ACSL5: variants seen among roughly 807,000 people sequenced by gnomAD.
ACSL5 encodes the protein acyl-CoA synthetase long chain family member 5.
ACSL5 carries 50 observed loss-of-function variants against 84.9 expected under a neutral mutation model. The ratio of observed to expected loss-of-function variants is 0.59; its 90% confidence interval spans 0.47 to 0.75. The LOEUF (loss-of-function observed/expected upper bound fraction) is 0.75. ACSL5 is among the 30% of genes least tolerant of loss of function. The pLI, the probability that ACSL5 is intolerant of heterozygous loss-of-function variation, is 0.00. For synonymous variants in ACSL5, 280 were observed against 300.7 expected (o/e 0.93, Z 0.71); for missense variants, 775 against 830.4 (o/e 0.93, Z 0.82).
chr10:112,417,843 C>T lies in ACSL5; in HGVS notation c.1219-3C>T. 6 of 1,613,812 alleles carry T rather than the reference C, an allele frequency of 3.7e-6. No individual in the cohort carries two copies. Among genetic ancestry groups the T allele is most frequent in the Non-Finnish European group, 5.1e-6 (6 of 1,179,758 alleles). On this transcript the variant is annotated splice_polypyrimidine_tract_variant and splice_region_variant and intron_variant, in intron 13 of 20. Transcript: ENST00000354655. ...TAGTATGTCTTTTGTTTCCACTGAA[C>T]AGGACAGCCTGGGCGGAAGGGTTCG...
chr10:112,404,498 A>G lies in ACSL5; in HGVS notation c.266-13A>G, dbSNP rs368774794. 28 of 1,607,940 alleles carry G rather than the reference A, an allele frequency of 1.7e-5. No individual in the cohort carries two copies. Among genetic ancestry groups the G allele is most frequent in the Non-Finnish European group, 4.3e-6 (5 of 1,175,164 alleles). Reference sequence around the variant, plus strand: ...CAACTGGAGTTGATTTTCTTTTAATATTATGTTTTTAGACAATGGGCCCTG... The same window carrying G: ...CAACTGGAGTTGATTTTCTTTTAATGTTATGTTTTTAGACAATGGGCCCTG... On this transcript the variant is annotated splice_polypyrimidine_tract_variant and intron_variant, in intron 3 of 20. Transcript: ENST00000354655.
At chr10:112,415,164 T>C (rs1227250731) in intron 12 of ACSL5, among the ~76,000 whole-genome samples, 9 of 152,232 alleles carry the variant, frequency 5.9e-5, no homozygotes, top group African/African-American at 2.2e-4. Flanking sequence ...ATATAATACC[T>C]AATACACAGT....
intron 17 of ACSL5, 77 bp from the exon 18 acceptor site, chr10:112,425,261 C>A: frequency 7.6e-7 from 1 of 1,308,978 alleles, no homozygotes; most frequent in Non-Finnish European, 1.0e-6. Flanking sequence ...AGAAAGATGA[C>A]TGTGACTTCA....
intron 17 of ACSL5, among the ~76,000 whole-genome samples, chr10:112,424,147 C>T (rs919597104): frequency 6.6e-6 from 1 of 152,192 alleles, no homozygotes; most frequent in African/African-American, 2.4e-5. Context: ...TCTCATTGAC[C>T]TTCACAGCCC....
intron 7 of ACSL5, 47 bp from the exon 8 acceptor site, chr10:112,410,416 G>C (rs779848899): frequency 1.9e-5 from 30 of 1,612,736 alleles, no homozygotes; most frequent in Non-Finnish European, 2.5e-5. Flanking sequence ...ATCACAGTCT[G>C]TCCATCTCAA....
intron 1 of ACSL5, among the ~76,000 whole-genome samples, chr10:112,393,111 G>T (rs201511725): frequency 2.7e-4 from 41 of 152,068 alleles, no homozygotes; most frequent in African/African-American, 8.9e-4. Flanking sequence ...GCTAGTTTTT[G>T]AATGCTTTTG....
chr10:112,422,241 A>G lies in ACSL5; in HGVS notation c.1477-84A>G, dbSNP rs146490789. 5.9e-4 allele frequency: 711 copies of G among 1,212,702 alleles called. 2 individuals carry two copies. In the African/African-American group the frequency reaches 9.5e-3, roughly 16 times the overall value. The allele number at this position is 1,212,702 out of a possible 1,614,324, so 75.1% of individuals were successfully genotyped here. A position where few individuals can be genotyped will look rare whatever the true frequency, so the allele number is the denominator to read the frequency against. On this transcript the variant is annotated intron_variant, in intron 16 of 20. Transcript: ENST00000354655. ...TGTAGTGGAAGCCATCAAATGATTT[A>G]AGGGGAGCAGGTGTTTCATAAACTG...
chr10:112,394,849 C>T (rs949049176), intron 1 of ACSL5, 69 bp from the exon 2 acceptor site: 8 of 1,573,338 alleles, frequency 5.1e-6, no homozygotes, highest in Non-Finnish European at 6.9e-6. Flanking sequence ...CTTCTGAAAA[C>T]ATAGAGCTAT....
chr10:112,378,400 C>T (rs1849284575), intron 1 of ACSL5, among the ~76,000 whole-genome samples: 1 of 151,852 alleles, frequency 6.6e-6, no homozygotes, highest in East Asian at 1.9e-4. Context: ...GCATGCACCA[C>T]CATGCCCAAA....
At chr10:112,376,101 G>A in intron 1 of ACSL5, 1 of 611,950 alleles carries the variant, frequency 1.6e-6, no homozygotes. Context: ...GCCCTTAGGG[G>A]CTGAGGTGAA....
intron 12 of ACSL5, 93 bp downstream of exon 12, chr10:112,413,400 C>T: frequency 6.9e-7 from 1 of 1,438,874 alleles, no homozygotes; most frequent in Non-Finnish European, 9.6e-7. Flanking sequence ...TCTACCTCCA[C>T]CCTCTACAAG....
At chr10:112,376,228 T>A in intron 1 of ACSL5, 1 of 1,554,684 alleles carries the variant, frequency 6.4e-7, no homozygotes, top group Non-Finnish European at 8.7e-7. Flanking sequence ...CCCGAGCACG[T>A]TAGAAAGCCT....
rs557750294 is a variant in ACSL5, at chr10:112,381,008, G to A, written c.-30+6739G>A. Among the ~76,000 whole-genome samples, 7 of 152,202 alleles carry A rather than the reference G, an allele frequency of 4.6e-5. 1 individual carries two copies. In the South Asian group the frequency reaches 1.0e-3, roughly 23 times the overall value. On this transcript the variant is annotated intron_variant, in intron 1 of 20. Coordinates refer to ENST00000354655, the MANE Select transcript of ACSL5 (RefSeq NM_203379.2). ...TGGTCTCAAACTCCTGGCCTCAAAC[G>A]ATCCTCCAGCCTCAGCCTCCCAAAG...
intron 12 of ACSL5, 114 bp from the exon 13 acceptor site, chr10:112,416,774 T>G: frequency 2.6e-5 from 31 of 1,173,592 alleles, no homozygotes; most frequent in Non-Finnish European, 3.7e-5. Context: ...TTCATGACTG[T>G]GAGACTGTGA....
At chr10:112,411,756 G>A in intron 10 of ACSL5, 146 bp from the exon 11 acceptor site, 1 of 688,480 alleles carries the variant, frequency 1.5e-6, no homozygotes, top group Non-Finnish European at 2.3e-6. Flanking sequence ...ACTATATGCA[G>A]TTCAAGGCAT....
intron 2 of ACSL5, among the ~76,000 whole-genome samples, chr10:112,397,807 G>A (rs891609364): frequency 9.2e-5 from 14 of 152,136 alleles, no homozygotes; most frequent in African/African-American, 2.4e-4. Context: ...TCCAACAACC[G>A]TAGTGTGTGA....
chr10:112,376,563 C>G lies in ACSL5; in HGVS notation c.-30+2294C>G, dbSNP rs1257994483. ...CTTTAAGCGACTTAGAATCAAGGGC[C>G]GGCTGAGTTCCACGGGCACATCATG... is the stretch of plus-strand genomic sequence containing the variant. On this transcript the variant is annotated intron_variant, in intron 1 of 20. Coordinates refer to ENST00000354655, the MANE Select transcript of ACSL5 (RefSeq NM_203379.2). 4.2e-6 allele frequency: 6 copies of G among 1,430,508 alleles called. No individual in the cohort carries two copies. In the East Asian group the frequency reaches 1.4e-4, roughly 33 times the overall value. 88.6% of individuals were successfully genotyped at this position (1,430,508 alleles called of 1,614,324 possible). A position where few individuals can be genotyped will look rare whatever the true frequency, so the allele number is the denominator to read the frequency against.
chr10:112,376,306 C>G (rs1465605333), intron 1 of ACSL5: 1 of 1,614,038 alleles, frequency 6.2e-7, no homozygotes, highest in Non-Finnish European at 8.5e-7. Flanking sequence ...GGCCTTCTGC[C>G]TGCATGGACG....
At chr10:112,377,158 C>G (rs890591898) in intron 1 of ACSL5, among the ~76,000 whole-genome samples, 1 of 151,776 alleles carries the variant, frequency 6.6e-6, no homozygotes, top group Non-Finnish European at 1.5e-5. Context: ...AGATATCAGC[C>G]TTTTTTTGGT....
Sources: allele counts gnomAD v4.1 joint callset (sites outside exome capture counted in the v4.1 genomes callset), GRCh38; gene constraint gnomAD v4.1.1; transcripts MANE v1.5; gene names NCBI Gene and HGNC (gene_info 2026-07-23, HGNC 2026-07-21).